Variants in LRRC4C observed in about 807,000 individuals in gnomAD.
The protein encoded by LRRC4C is leucine-rich repeat-containing protein 4C.
Under a neutral mutation model 33.6 loss-of-function variants are expected in LRRC4C, and 5 were observed. The observed-to-expected ratio is 0.15, with a 90% CI of 0.08 to 0.31. The LOEUF (loss-of-function observed/expected upper bound fraction) is 0.31, where lower values mean the gene tolerates loss of function less well. Among genes scored for constraint, LRRC4C ranks in the 10% least tolerant of loss-of-function variants. The pLI, the probability that LRRC4C is intolerant of heterozygous loss-of-function variation, is 1.00. For synonymous variants in LRRC4C, 329 were observed against 302.0 expected (o/e 1.09, Z -0.93); for missense variants, 560 against 796.7 (o/e 0.70, Z 3.58).
At position 41,263,184 on chromosome 11, in the gene LRRC4C, A is replaced by T. The variant is rs528762869; in HGVS notation, c.-496+196247T>A. On this transcript the variant is annotated intron_variant, in intron 1 of 6. Coordinates refer to ENST00000528697, the MANE Select transcript of LRRC4C (RefSeq NM_001258419.2). ...GTTGGTTTGAAAATAATTCTTTCAG[A>T]GCAAGTGAAACCTATGCTTCTGGGA... Among the ~76,000 whole-genome samples the T allele has an allele frequency of 1.1e-4, 17 of 152,292 alleles. No homozygotes were observed. The Middle Eastern group carries it at 0.01, about 91-fold the overall frequency.
intron 1 of LRRC4C, among the ~76,000 whole-genome samples, chr11:41,309,666 A>G (rs1329554260): frequency 6.6e-6 from 1 of 152,210 alleles, no homozygotes; most frequent in Non-Finnish European, 1.5e-5. Flanking sequence ...AAAGACCAAT[A>G]TGTTAACTCC....
chr11:41,030,520 C>T (rs355239), intron 1 of LRRC4C, among the ~76,000 whole-genome samples: 148,957 of 151,830 alleles, frequency 0.98, 73,135 homozygotes, highest in East Asian at 1. Flanking sequence ...CTTGTGTAAA[C>T]CTCCCAACCA....
At chr11:41,291,182 CTT>C (rs1949982194) in intron 1 of LRRC4C, among the ~76,000 whole-genome samples, 1 of 152,060 alleles carries the variant, frequency 6.6e-6, no homozygotes, top group Non-Finnish European at 1.5e-5. Flanking sequence ...AATATTCAAA[CTT>C]TGCAATGAAA....
At chr11:41,230,193 T>G (rs1054263621) in intron 1 of LRRC4C, among the ~76,000 whole-genome samples, 3 of 152,116 alleles carry the variant, frequency 2.0e-5, no homozygotes, top group Non-Finnish European at 4.4e-5. Context: ...TAACTCATTT[T>G]TGAACATTTT....
At chr11:41,013,633 C>T (rs951784089) in intron 1 of LRRC4C, among the ~76,000 whole-genome samples, 7 of 152,090 alleles carry the variant, frequency 4.6e-5, no homozygotes, top group Admixed American at 3.3e-4. Flanking sequence ...AAACATATTT[C>T]TTATAGTTTT....
intron 1 of LRRC4C, among the ~76,000 whole-genome samples, chr11:41,232,603 T>C (rs1180089176): frequency 6.6e-6 from 1 of 152,056 alleles, no homozygotes; most frequent in African/African-American, 2.4e-5. Flanking sequence ...TAGTTATCAA[T>C]AAATAATATG....
intron 3 of LRRC4C, among the ~76,000 whole-genome samples, chr11:40,417,531 T>TA (rs1950371654): frequency 1.3e-5 from 2 of 151,740 alleles, no homozygotes; most frequent in Admixed American, 6.6e-5. Context: ...TAGCAGAGAC[T>TA]AAGTTTCACC....
intron 3 of LRRC4C, among the ~76,000 whole-genome samples, chr11:40,362,091 A>G (rs2137177094): frequency 6.6e-6 from 1 of 152,338 alleles, no homozygotes; most frequent in African/African-American, 2.4e-5. Context: ...CCCTTTCCTT[A>G]CACTCTATAC....
chr11:41,458,702 C>T (rs759475768), intron 1 of LRRC4C, among the ~76,000 whole-genome samples: 17 of 151,838 alleles, frequency 1.1e-4, no homozygotes, highest in Non-Finnish European at 1.6e-4. Flanking sequence ...CAAGCACATT[C>T]CCTTCTCGGG....
chr11:40,152,645 G>A (rs961371010), intron 5 of LRRC4C, among the ~76,000 whole-genome samples: 1 of 152,088 alleles, frequency 6.6e-6, no homozygotes, highest in Admixed American at 6.6e-5. Context: ...TGTGGGAGCT[G>A]GGTGAGGCCT....
At chr11:40,140,325 G>A (rs934311834) in intron 6 of LRRC4C, among the ~76,000 whole-genome samples, 1 of 152,122 alleles carries the variant, frequency 6.6e-6, no homozygotes. Flanking sequence ...AGGTAAATAC[G>A]TTTATGTGTA....
intron 2 of LRRC4C, among the ~76,000 whole-genome samples, chr11:40,766,353 TAA>T (rs60152534): frequency 0.042 from 1,431 of 33,828 alleles, 44 homozygotes; most frequent in African/African-American, 0.14. Flanking sequence ...TTCAGTCTGT[TAA>T]AAAAAAAAAA....
At chr11:41,127,149 T>A (rs1018525920) in intron 1 of LRRC4C, among the ~76,000 whole-genome samples, 1 of 152,108 alleles carries the variant, frequency 6.6e-6, no homozygotes, top group African/African-American at 2.4e-5. Flanking sequence ...TGTACCACAC[T>A]TTGCTAATAA....
At chr11:41,179,123 G>T (rs1326447249) in intron 1 of LRRC4C, among the ~76,000 whole-genome samples, 11 of 151,704 alleles carry the variant, frequency 7.3e-5, no homozygotes, top group Admixed American at 7.2e-4. Context: ...AAGAGAAATG[G>T]ATAATAAAGA....
chr11:40,426,082 T>C (rs909504387), intron 3 of LRRC4C, among the ~76,000 whole-genome samples: 7 of 150,970 alleles, frequency 4.6e-5, no homozygotes, highest in Non-Finnish European at 1.0e-4. Context: ...GGCGCGATCT[T>C]GGCTCACTGC....
intron 3 of LRRC4C, among the ~76,000 whole-genome samples, chr11:40,381,811 T>C (rs1023149412): frequency 6.6e-6 from 1 of 152,122 alleles, no homozygotes; most frequent in African/African-American, 2.4e-5. Context: ...TGGCTGAAGG[T>C]ATCACTGGCT....
At chr11:40,441,665 A>C (rs576904195) in intron 3 of LRRC4C, among the ~76,000 whole-genome samples, 2 of 152,334 alleles carry the variant, frequency 1.3e-5, no homozygotes, top group South Asian at 4.1e-4. Context: ...TCATTTCAAA[A>C]TGGTAGTCTT....
At chr11:40,878,999 T>C (rs1239979355) in intron 2 of LRRC4C, among the ~76,000 whole-genome samples, 1 of 152,156 alleles carries the variant, frequency 6.6e-6, no homozygotes, top group Non-Finnish European at 1.5e-5. Flanking sequence ...TTCTCAAAGT[T>C]TCTAAGTGCC....
chr11:40,429,919 T>C (rs1240532213), intron 3 of LRRC4C, among the ~76,000 whole-genome samples: 1 of 152,216 alleles, frequency 6.6e-6, no homozygotes, highest in African/African-American at 2.4e-5. Flanking sequence ...ACATGAAATA[T>C]GACCTAAGCT....
Sources: gnomAD v4.1 joint callset for allele counts (sites outside exome capture counted in the v4.1 genomes callset) on GRCh38, gnomAD v4.1.1 for gene constraint, MANE v1.5 for transcripts, NCBI Gene and HGNC (gene_info 2026-07-23, HGNC 2026-07-21) for gene names.